The following KIAA1549 variants were observed in gnomAD, a reference collection of about 807,000 sequenced individuals.
The protein encoded by KIAA1549 is UPF0606 protein KIAA1549.
In KIAA1549, 70 loss-of-function variants were observed where a neutral mutation model predicts 156.4. The observed-to-expected ratio is 0.45, with a 90% CI of 0.37 to 0.55. The LOEUF (loss-of-function observed/expected upper bound fraction) is 0.55, where lower values mean the gene tolerates loss of function less well. Ranked by LOEUF, KIAA1549 falls within the 20% of genes least tolerant of loss-of-function variation. The pLI, the probability that KIAA1549 is intolerant of heterozygous loss-of-function variation, is 0.00. For missense variants in KIAA1549, 2,428 were observed against 2,540.9 expected (o/e 0.96, Z 0.96); for synonymous variants, 1,103 against 1,066.4 (o/e 1.03, Z -0.67).
In KIAA1549 at chr7:138,918,542, G is replaced by C; in HGVS notation, c.1084C>G (p.Leu362Val). ...GACGCAAATGCAAGAGGAGTTGAAA[G>C]CAATGGAGAATGTGTCCTGCTGAAT... ...LAFSRTHSPLLSTPLAFASSA... is the reference protein window; with the variant it reads ...LAFSRTHSPLVSTPLAFASSA... The change falls in exon 2 of 20, where the codon CTT becomes GTT. Residue 362 changes from leucine to valine, a missense_variant. Around this residue, in one of 5 missense-constraint regions of KIAA1549, gnomAD observed 893 missense variants for 847.9 expected, o/e 1.05. Transcript: ENST00000422774. This position sits in a 1 kb window ranked among gnomAD's most constrained non-coding sequence, Gnocchi z 4.2. The C allele has an allele frequency of 1.9e-6, 3 of 1,614,062 alleles. No homozygotes were observed. The highest frequency in any genetic ancestry group is 2.5e-6 in the Non-Finnish European group (3 of 1,179,902).
chr7:138,837,624 T>A lies in KIAA1549; in HGVS notation c.*282A>T, dbSNP rs1809758328. The A allele has an allele frequency of 1.8e-6, 1 of 541,548 alleles. No homozygotes were observed. The allele number at this position is 541,548 out of a possible 1,614,324, so 33.5% of individuals were successfully genotyped here. ...AAAAGAGACGAATGCAGTCATTTTG[T>A]TAGCTTAGGTTTGTGTTTTGTTTTT... On this transcript the variant is annotated 3_prime_UTR_variant, in exon 20 of 20. Coordinates refer to ENST00000422774, the MANE Select transcript of KIAA1549 (RefSeq NM_001164665.2).
At chr7:138,938,810 G>A (rs188119005) in intron 1 of KIAA1549, among the ~76,000 whole-genome samples, 44 of 152,312 alleles carry the variant, frequency 2.9e-4, no homozygotes, top group Non-Finnish European at 5.1e-4. Flanking sequence ...CACTTTGGGA[G>A]GCTGAGGCGG....
intron 1 of KIAA1549, among the ~76,000 whole-genome samples, chr7:138,962,619 G>A (rs1813888029): frequency 6.6e-6 from 1 of 152,166 alleles, no homozygotes; most frequent in African/African-American, 2.4e-5. Flanking sequence ...CATGAAGGTA[G>A]GAGGGGGTGA....
chr7:138,950,878 A>G (rs972378988), intron 1 of KIAA1549, among the ~76,000 whole-genome samples: 1 of 150,560 alleles, frequency 6.6e-6, no homozygotes, highest in Non-Finnish European at 1.5e-5. Flanking sequence ...ACCTCGCCAC[A>G]CTTTCATCAG....
chr7:138,929,395 G>A (rs1171792404), intron 1 of KIAA1549, among the ~76,000 whole-genome samples: 1 of 152,122 alleles, frequency 6.6e-6, no homozygotes, highest in South Asian at 2.1e-4. Context: ...GCTGCAATTC[G>A]TCATGTCTTC....
chr7:138,918,485 G>A lies in KIAA1549; in HGVS notation c.1141C>T (p.Pro381Ser), dbSNP rs1812423803. The A allele has an allele frequency of 1.2e-6, 2 of 1,614,018 alleles. No individual in the cohort carries two copies. Among genetic ancestry groups the A allele is most frequent in the South Asian group, 1.1e-5 (1 of 91,082 alleles). Residue 381 changes from proline to serine, a missense_variant, in exon 2 of 20, where the codon CCC (proline) becomes TCC (serine). By Grantham distance (74) the Pro-to-Ser change is moderately conservative. Around this residue, in one of 5 missense-constraint regions of KIAA1549, gnomAD observed 893 missense variants for 847.9 expected, o/e 1.05. Coordinates refer to ENST00000422774, the MANE Select transcript of KIAA1549 (RefSeq NM_001164665.2). The surrounding 1 kb of genome is among the most constrained non-coding windows in gnomAD (Gnocchi z 4.2). Reference protein sequence around the residue: ...SASPTDVSSNPFLPSDSSKTS... With the variant: ...SASPTDVSSNSFLPSDSSKTS... Reference sequence around the variant, plus strand: ...TTGCTGGAGTCGCTAGGGAGAAAGGGGTTAGATGAAACATCAGTTGGTGAA... The same window carrying A: ...TTGCTGGAGTCGCTAGGGAGAAAGGAGTTAGATGAAACATCAGTTGGTGAA...
chr7:138,911,273 G>C lies in KIAA1549; in HGVS notation c.3018C>G (p.Phe1006Leu), dbSNP rs369870112. ...TTATGACGGATATTGCCGTGTAAAC[G>C]AAAGGACCGGATGTTACCAGAAAAG... The part of the protein sequence containing the change: ...DFTFLVTSGP[F>L]VYTAISVINV... The change falls in exon 4 of 20, where the codon TTC (phenylalanine) becomes TTG (leucine). Residue 1006 changes from phenylalanine to leucine, a missense_variant. Physicochemically the swap from Phe to Leu is conservative, Grantham distance 22. This residue lies in a region of KIAA1549 where 762 missense variants were observed against 901.6 expected (regional missense o/e 0.85). Transcript: ENST00000422774. 1.7e-5 allele frequency: 27 copies of C among 1,603,354 alleles called. No homozygotes were observed. In the East Asian group the frequency reaches 5.8e-4, roughly 35 times the overall value.
At chr7:138,976,717 A>G (rs945323931) in intron 1 of KIAA1549, among the ~76,000 whole-genome samples, 1 of 152,234 alleles carries the variant, frequency 6.6e-6, no homozygotes, top group Non-Finnish European at 1.5e-5. Flanking sequence ...TCCCTTGCAG[A>G]TAAGGAGGGA....
chr7:138,886,989 C>A (rs900521157), intron 10 of KIAA1549, among the ~76,000 whole-genome samples: 1 of 151,868 alleles, frequency 6.6e-6, no homozygotes, highest in East Asian at 1.9e-4. Context: ...GCAACCTCCA[C>A]CTCCTGGGTT....
intron 16 of KIAA1549, among the ~76,000 whole-genome samples, chr7:138,859,376 T>C (rs1313745533): frequency 6.6e-6 from 1 of 152,124 alleles, no homozygotes; most frequent in African/African-American, 2.4e-5. Flanking sequence ...CACAGTTCAA[T>C]CCATAGCAAG....
chr7:138,833,898 T>C lies in KIAA1549; in HGVS notation c.*4008A>G. 1 of 232,002 alleles carries C rather than the reference T, an allele frequency of 4.3e-6. No individual in the cohort carries two copies. Among genetic ancestry groups the C allele is most frequent in the Non-Finnish European group, 8.5e-6 (1 of 117,362 alleles). 14.4% of individuals were successfully genotyped at this position (232,002 alleles called of 1,614,324 possible). On this transcript the variant is annotated 3_prime_UTR_variant, in exon 20 of 20. Transcript: ENST00000422774. Reference sequence around the variant, plus strand: ...AAAGCATCCTTCCAGCACCTCTTCCTTCTCTTCTGAAACTCCCTCAATAGT... The same window carrying C: ...AAAGCATCCTTCCAGCACCTCTTCCCTCTCTTCTGAAACTCCCTCAATAGT...
intron 18 of KIAA1549, 128 bp from the exon 19 acceptor site, chr7:138,840,406 G>T: frequency 1.3e-6 from 1 of 775,324 alleles, no homozygotes; most frequent in Non-Finnish European, 2.0e-6. Flanking sequence ...ATCAGGACTT[G>T]GTACCAGTTC....
Position 138,914,467 on chromosome 7 carries a change from C to T in KIAA1549, c.2879-2007G>A, listed in dbSNP as rs112780856. Among the ~76,000 whole-genome samples, 498 of 152,286 alleles carry T rather than the reference C, an allele frequency of 3.3e-3. 6 individuals are homozygous for T. The highest frequency in any genetic ancestry group is 0.012 in the African/African-American group (482 of 41,548). On this transcript the variant is annotated intron_variant, in intron 2 of 19. Transcript: ENST00000422774. ...GGCGCGTGCAGGCAAGTGCTTCCTC[C>T]GCCATCGCAGACCCCCAGCACCCAG...
chr7:138,923,454 G>T (rs1456366317), intron 1 of KIAA1549, among the ~76,000 whole-genome samples: 4 of 152,084 alleles, frequency 2.6e-5, no homozygotes, highest in Non-Finnish European at 4.4e-5. Context: ...TAAAAAATTT[G>T]CTGGGTGTGG....
chr7:138,842,899 C>T (rs1809964911), intron 18 of KIAA1549, among the ~76,000 whole-genome samples: 1 of 152,118 alleles, frequency 6.6e-6, no homozygotes, highest in Non-Finnish European at 1.5e-5. Context: ...CAATTCTTTG[C>T]TATTATGCAA....
At chr7:138,966,428 G>A (rs182542021) in intron 1 of KIAA1549, among the ~76,000 whole-genome samples, 1 of 152,100 alleles carries the variant, frequency 6.6e-6, no homozygotes, top group African/African-American at 2.4e-5. Context: ...TTATTAAGGA[G>A]TATTAAACTC....
At chr7:138,861,690 TAAAAAAAAAA>T (rs1195358738) in intron 15 of KIAA1549, among the ~76,000 whole-genome samples, 1 of 90,270 alleles carries the variant, frequency 1.1e-5, no homozygotes, top group Admixed American at 1.2e-4. Flanking sequence ...CCCCCATCTC[TAAAAAAAAAA>T]AAAAAGAAAA....
intron 1 of KIAA1549, among the ~76,000 whole-genome samples, chr7:138,957,046 T>G (rs977656983): frequency 1.3e-5 from 2 of 152,166 alleles, no homozygotes; most frequent in African/African-American, 4.8e-5. Flanking sequence ...CTGGAAGTCT[T>G]CCTGAGGGAA....
At chr7:138,939,417 CT>C (rs1257371846) in intron 1 of KIAA1549, among the ~76,000 whole-genome samples, 1 of 152,188 alleles carries the variant, frequency 6.6e-6, no homozygotes, top group Admixed American at 6.5e-5. Context: ...GTTTTCTCCT[CT>C]TTTTTTCCCC....
Sources: allele counts gnomAD v4.1 joint callset (sites outside exome capture counted in the v4.1 genomes callset), GRCh38; gene constraint gnomAD v4.1.1; regional missense constraint gnomAD v4.1.1; non-coding constraint Gnocchi (gnomAD v3.1); transcripts MANE v1.5; gene names NCBI Gene and HGNC (gene_info 2026-07-23, HGNC 2026-07-21).